Variants in PRDM10 observed in about 807,000 individuals in gnomAD.
PRDM10 encodes PR domain zinc finger protein 10.
In PRDM10, 65 loss-of-function variants were observed where a neutral mutation model predicts 133.1. That is an observed-to-expected ratio of 0.49 (90% confidence interval 0.40 to 0.60). PRDM10 has a LOEUF of 0.60. Among genes scored for constraint, PRDM10 ranks in the 20% least tolerant of loss-of-function variants. The pLI, the probability that PRDM10 is intolerant of heterozygous loss-of-function variation, is 0.00. For missense variants in PRDM10, 1,137 were observed against 1,507.1 expected (o/e 0.75, Z 4.07); for synonymous variants, 582 against 580.4 (o/e 1.00, Z -0.04).
intron 13 of PRDM10, among the ~76,000 whole-genome samples, chr11:129,919,981 A>G (rs916909649): frequency 3.3e-5 from 5 of 152,178 alleles, no homozygotes; most frequent in Admixed American, 2.6e-4. Flanking sequence ...TGTAGGCTAC[A>G]GTAGGATTTG....
intron 19 of PRDM10, among the ~76,000 whole-genome samples, chr11:129,907,060 G>A (rs1221107818): frequency 6.6e-6 from 1 of 151,974 alleles, no homozygotes; most frequent in African/African-American, 2.4e-5. Context: ...AAACATCGAT[G>A]GCTCCTAACA....
chr11:129,904,875 G>T (rs1197068866), intron 20 of PRDM10, among the ~76,000 whole-genome samples: 1 of 152,220 alleles, frequency 6.6e-6, no homozygotes, highest in Non-Finnish European at 1.5e-5. Flanking sequence ...ACAAACCAGT[G>T]AAGATAAAAA....
At chr11:129,963,881 G>A (rs1951852472) in intron 1 of PRDM10, among the ~76,000 whole-genome samples, 1 of 152,158 alleles carries the variant, frequency 6.6e-6, no homozygotes, top group Admixed American at 6.5e-5. Context: ...GGCCTGGGAT[G>A]CAATCCGGTA....
At chr11:129,933,927 A>G (rs1418591580) in intron 9 of PRDM10, among the ~76,000 whole-genome samples, 4 of 152,074 alleles carry the variant, frequency 2.6e-5, no homozygotes, top group African/African-American at 7.2e-5. Context: ...TACTCCCTCT[A>G]GTACCCAGCA....
chr11:129,905,361 C>CATAAAAA (rs1157241014), intron 20 of PRDM10, among the ~76,000 whole-genome samples: 1 of 54,766 alleles, frequency 1.8e-5, no homozygotes, highest in Non-Finnish European at 3.4e-5. Flanking sequence ...GACTCTGTCT[C>CATAAAAA]AGAAAAAAAA....
intron 18 of PRDM10, among the ~76,000 whole-genome samples, chr11:129,911,508 C>T (rs1950185737): frequency 6.6e-6 from 1 of 152,238 alleles, no homozygotes; most frequent in Non-Finnish European, 1.5e-5. Flanking sequence ...ACATCATTTC[C>T]TGTGAGTAAT....
At chr11:129,939,064 C>A (rs925034249) in intron 7 of PRDM10, among the ~76,000 whole-genome samples, 5 of 152,226 alleles carry the variant, frequency 3.3e-5, no homozygotes, top group African/African-American at 1.2e-4. Context: ...TCAGCAGGGC[C>A]TTCCCCAACC....
At chr11:129,986,560 T>G (rs1371383476) in intron 1 of PRDM10, among the ~76,000 whole-genome samples, 3 of 152,184 alleles carry the variant, frequency 2.0e-5, no homozygotes, top group Non-Finnish European at 4.4e-5. Flanking sequence ...CTAATTTTTT[T>G]GTATTTTTAG....
At chr11:129,936,561 G>A (rs1014279650) in intron 8 of PRDM10, among the ~76,000 whole-genome samples, 3 of 152,090 alleles carry the variant, frequency 2.0e-5, no homozygotes, top group Admixed American at 6.5e-5. Flanking sequence ...GCTGAGGCAG[G>A]AGAATGGCGT....
At chr11:129,974,899 G>A (rs1446153514) in intron 1 of PRDM10, among the ~76,000 whole-genome samples, 4 of 152,168 alleles carry the variant, frequency 2.6e-5, no homozygotes, top group South Asian at 2.1e-4. Flanking sequence ...AGGACATTAC[G>A]CAAAGTGAGA....
intron 1 of PRDM10, among the ~76,000 whole-genome samples, chr11:129,990,268 C>G (rs542586628): frequency 1.3e-5 from 2 of 152,182 alleles, no homozygotes; most frequent in Non-Finnish European, 2.9e-5. Context: ...ACAGCATGAA[C>G]CCAGGAGGCG....
intron 9 of PRDM10, among the ~76,000 whole-genome samples, chr11:129,933,416 G>A (rs1950931318): frequency 6.6e-6 from 1 of 152,106 alleles, no homozygotes; most frequent in Non-Finnish European, 1.5e-5. Context: ...GCAAATCCCA[G>A]ATATCTTTTC....
At chr11:129,959,884 G>T (rs78818520) in intron 2 of PRDM10, among the ~76,000 whole-genome samples, 2 of 150,804 alleles carry the variant, frequency 1.3e-5, no homozygotes, top group East Asian at 3.9e-4. Context: ...AGACATGACC[G>T]CACCACTATA....
At position 129,900,194 on chromosome 11, in the gene PRDM10, C is replaced by A. The variant is rs1380059013; in HGVS notation, c.*2119G>T. 6.6e-6 allele frequency: 1 copy of A among 152,250 alleles called. No homozygotes were observed. The highest frequency in any genetic ancestry group is 1.5e-5 in the Non-Finnish European group (1 of 68,046). 9.4% of individuals were successfully genotyped at this position (152,250 alleles called of 1,614,324 possible). On this transcript the variant is annotated 3_prime_UTR_variant, in exon 21 of 21. Transcript: ENST00000360871. ...GATGGCTCATCATTTGCCATCTCTTCAAATCCAGGTCCTTTTAAAAATCTA... is the reference window on the plus strand; with the variant it reads ...GATGGCTCATCATTTGCCATCTCTTAAAATCCAGGTCCTTTTAAAAATCTA...
rs748422005 is a variant in PRDM10 at position 129,923,972 on chromosome 11, C to T, written c.1879-569G>A. Among the ~76,000 whole-genome samples, 2 of 152,190 alleles carry T rather than the reference C, an allele frequency of 1.3e-5. No individual in the cohort carries two copies. The highest frequency in any genetic ancestry group is 1.5e-5 in the Non-Finnish European group (1 of 68,030). ...GTTTGTGAGAGCAATATGACGCTGG[C>T]GTCACTTCTCAACTGGGACTTACTT... is the stretch of plus-strand genomic sequence containing the variant. On this transcript the variant is annotated intron_variant, in intron 12 of 20. Coordinates refer to ENST00000360871, the MANE Select transcript of PRDM10 (RefSeq NM_199437.2). The surrounding 1 kb of genome is among the most constrained non-coding windows in gnomAD (Gnocchi z 4.4).
At chr11:129,910,884 C>T (rs913423651) in intron 18 of PRDM10, among the ~76,000 whole-genome samples, 1 of 152,108 alleles carries the variant, frequency 6.6e-6, no homozygotes, top group East Asian at 1.9e-4. Flanking sequence ...TCAAGTGATT[C>T]TCCTGCCTCA....
intron 17 of PRDM10, among the ~76,000 whole-genome samples, 191 bp from the exon 18 acceptor site, chr11:129,912,416 G>A (rs76383306): frequency 0.029 from 4,481 of 152,070 alleles, 101 homozygotes; most frequent in South Asian, 0.073. Flanking sequence ...ACCAGCCTGG[G>A]CAACATGGCA....
At position 129,960,917 on chromosome 11, in the gene PRDM10, C is replaced by G. The variant is rs1951783980; in HGVS notation, c.48G>C (p.Glu16Asp). ...ESSHVWPTSAEHEQNAAQVHF... is the reference protein window; with the variant it reads ...ESSHVWPTSADHEQNAAQVHF... ...TCACCTGTGCGGCATTCTGTTCATG[C>G]TCTGCAGATGTCGGCCACACATGCG... The change falls in exon 2 of 21, where the codon GAG (glutamate) becomes GAC (aspartate). Residue 16 changes from glutamate to aspartate, a missense_variant. Physicochemically the swap from Glu to Asp is conservative, Grantham distance 45. Around this residue, in one of 6 missense-constraint regions of PRDM10, gnomAD observed 635 missense variants for 835.2 expected, o/e 0.76. Coordinates refer to ENST00000360871, the MANE Select transcript of PRDM10 (RefSeq NM_199437.2). The G allele has an allele frequency of 6.2e-7, 1 of 1,614,168 alleles. No homozygotes were observed. The highest frequency in any genetic ancestry group is 2.2e-5 in the East Asian group (1 of 44,884).
At chr11:129,957,699 GTTAA>G (rs755599390) in intron 3 of PRDM10, 43 bp downstream of exon 3, 2 of 1,568,988 alleles carry the variant, frequency 1.3e-6, no homozygotes, top group African/African-American at 1.3e-5. Context: ...CAAGTAATTG[GTTAA>G]TTAGTTAATT....
Sources: gnomAD v4.1 joint callset for allele counts (sites outside exome capture counted in the v4.1 genomes callset) on GRCh38, gnomAD v4.1.1 for gene constraint, gnomAD v4.1.1 regional missense constraint, Gnocchi (gnomAD v3.1) non-coding constraint, MANE v1.5 for transcripts, NCBI Gene and HGNC (gene_info 2026-07-23, HGNC 2026-07-21) for gene names.